Variants in DCAF7 observed in about 807,000 individuals in gnomAD.
DCAF7 encodes DDB1- and CUL4-associated factor 7.
A neutral mutation model predicts 41.2 loss-of-function variants in DCAF7; 4 were observed. The ratio of observed to expected loss-of-function variants is 0.10; its 90% CI spans 0.05 to 0.22. The LOEUF (loss-of-function observed/expected upper bound fraction) is 0.22, where lower values mean the gene tolerates loss of function less well. Among genes scored for constraint, DCAF7 ranks in the 10% least tolerant of loss-of-function variants. The pLI is 1.00. For missense variants in DCAF7, 131 were observed against 443.2 expected (o/e 0.30, Z 6.32); for synonymous variants, 143 against 164.2 (o/e 0.87, Z 0.99).
In DCAF7 at chr17:63,592,372, T is replaced by G. The variant is rs1340016367; in HGVS notation, c.*3200T>G. The G allele has an allele frequency of 6.7e-6, 1 of 149,734 alleles. No homozygotes were observed. The highest frequency in any genetic ancestry group is 1.5e-5 in the Non-Finnish European group (1 of 67,796). 9.3% of individuals were successfully genotyped at this position (149,734 alleles called of 1,614,324 possible). A position where few individuals can be genotyped will look rare whatever the true frequency, so the allele number is the denominator to read the frequency against. ...GTGAGCCAAGATCGTGCCACTGCAC[T>G]CCAGCCTGGGCGACAGAGCAAGACT... On this transcript the variant is annotated 3_prime_UTR_variant, in exon 7 of 7. Transcript: ENST00000614556.
chr17:63,552,044 CTCCAGCCTGGGCGACA>C (rs1366525401), intron 1 of DCAF7, among the ~76,000 whole-genome samples: 1 of 151,588 alleles, frequency 6.6e-6, no homozygotes. Flanking sequence ...CGCCACTGCA[CTCCAGCCTGGGCGACA>C]GAGTGAGACT....
intron 6 of DCAF7, among the ~76,000 whole-genome samples, chr17:63,586,769 AAAAAG>A (rs1213764656): frequency 6.6e-6 from 1 of 152,212 alleles, no homozygotes; most frequent in Non-Finnish European, 1.5e-5. Flanking sequence ...TCAAAAAAAA[AAAAAG>A]AAAAATATGC....
chr17:63,585,892 C>T (rs557400239), intron 6 of DCAF7, among the ~76,000 whole-genome samples: 3 of 151,828 alleles, frequency 2.0e-5, no homozygotes, highest in Admixed American at 6.6e-5. Flanking sequence ...GAGGCTGAGG[C>T]GGGTGGATCA....
intron 1 of DCAF7, among the ~76,000 whole-genome samples, chr17:63,562,655 A>G (rs928351796): frequency 6.7e-6 from 1 of 149,758 alleles, no homozygotes; most frequent in African/African-American, 2.4e-5. Context: ...GTCATCTAGC[A>G]TTAGGTATAT....
rs540283084 is a variant in DCAF7, at chr17:63,592,516, G to T, written c.*3344G>T. 1 of 152,198 alleles carries T rather than the reference G, an allele frequency of 6.6e-6. No individual in the cohort carries two copies. Among genetic ancestry groups the T allele is most frequent in the African/African-American group, 2.4e-5 (1 of 41,446 alleles). The allele number at this position is 152,198 out of a possible 1,614,324, so 9.4% of individuals were successfully genotyped here. On this transcript the variant is annotated 3_prime_UTR_variant, in exon 7 of 7. Transcript: ENST00000614556. ...AACAAAAAATTCAGAATCCTACAAG[G>T]TTTTGATGACAATTAGGGCCAAAAT...
rs114319699 is a variant in DCAF7, at chr17:63,574,989, A to G, written c.139-3481A>G. On this transcript the variant is annotated intron_variant, in intron 1 of 6. Coordinates refer to ENST00000614556, the MANE Select transcript of DCAF7 (RefSeq NM_005828.5). Reference sequence around the variant, plus strand: ...CCTATCTTAAAAAAAATAAAACACAATTTCATTTATAATAGCATAAAACTT... The same window carrying G: ...CCTATCTTAAAAAAAATAAAACACAGTTTCATTTATAATAGCATAAAACTT... Among the ~76,000 whole-genome samples, 1,264 of 152,062 alleles carry G rather than the reference A, an allele frequency of 8.3e-3. 18 individuals carry two copies. The highest frequency in any genetic ancestry group is 0.031 in the Middle Eastern group (9 of 294).
Position 63,589,320 on chromosome 17 carries a change from C to T in DCAF7, c.*148C>T. On this transcript the variant is annotated 3_prime_UTR_variant, in exon 7 of 7. Transcript: ENST00000614556. ...TTACCAGAAGCTGCTCTAGGAGTTC[C>T]TGGCCAGTCACCCCATCGCCCTCTG... 1 of 1,093,066 alleles carries T rather than the reference C, an allele frequency of 9.1e-7. No individual in the cohort carries two copies. The highest frequency in any genetic ancestry group is 1.3e-6 in the Non-Finnish European group (1 of 741,358). The allele number at this position is 1,093,066 out of a possible 1,614,324, so 67.7% of individuals were successfully genotyped here.
chr17:63,582,147 C>T (rs1461252040), intron 4 of DCAF7, among the ~76,000 whole-genome samples: 1 of 152,200 alleles, frequency 6.6e-6, no homozygotes, highest in African/African-American at 2.4e-5. Flanking sequence ...GCACGTCAGG[C>T]CTGAGTGCCT....
intron 1 of DCAF7, among the ~76,000 whole-genome samples, chr17:63,563,386 G>C (rs1375486568): frequency 6.6e-6 from 1 of 152,172 alleles, no homozygotes; most frequent in African/African-American, 2.4e-5. Flanking sequence ...ACATACTGCT[G>C]CTAAGAATGT....
At position 63,589,248 on chromosome 17, in the gene DCAF7, A is replaced by G. The variant is rs1264351243; in HGVS notation, c.*76A>G. The G allele has an allele frequency of 6.3e-7, 1 of 1,582,564 alleles. No individual in the cohort carries two copies. Among genetic ancestry groups the G allele is most frequent in the Admixed American group, 1.7e-5 (1 of 59,640 alleles). ...TGCCCCACCCCCAAAGTAAGAAGAA[A>G]CATGTTTCCAGTGGCCAGTATGTCT... On this transcript the variant is annotated 3_prime_UTR_variant, in exon 7 of 7. Transcript: ENST00000614556.
chr17:63,584,895 C>T (rs963575866), intron 5 of DCAF7, among the ~76,000 whole-genome samples: 6 of 152,204 alleles, frequency 3.9e-5, no homozygotes, highest in Non-Finnish European at 1.5e-5. Flanking sequence ...TGGCTGGGCT[C>T]TCATTCCATT....
chr17:63,583,938 C>T (rs572958770), intron 5 of DCAF7, among the ~76,000 whole-genome samples: 52 of 152,228 alleles, frequency 3.4e-4, no homozygotes, highest in African/African-American at 1.2e-3. Context: ...AGGACAGTCC[C>T]CCAGCAAAGT....
chr17:63,587,343 AG>A (rs1299328549), intron 6 of DCAF7, among the ~76,000 whole-genome samples: 1 of 143,346 alleles, frequency 7.0e-6, no homozygotes, highest in African/African-American at 2.7e-5. Flanking sequence ...TTTTTTTCCC[AG>A]GGGTGTGGAT....
chr17:63,554,278 T>C (rs1233292370), intron 1 of DCAF7, among the ~76,000 whole-genome samples: 1 of 152,242 alleles, frequency 6.6e-6, no homozygotes, highest in Non-Finnish European at 1.5e-5. Context: ...TACAGCAAGA[T>C]TGGTGTTGGA....
At position 63,589,292 on chromosome 17, in the gene DCAF7, C is replaced by G. The variant is rs1375670614; in HGVS notation, c.*120C>G. 1 of 1,355,808 alleles carries G rather than the reference C, an allele frequency of 7.4e-7. No homozygotes were observed. The highest frequency in any genetic ancestry group is 1.4e-5 in the African/African-American group (1 of 69,996). 84.0% of individuals were successfully genotyped at this position (1,355,808 alleles called of 1,614,324 possible). A position where few individuals can be genotyped will look rare whatever the true frequency, so the allele number is the denominator to read the frequency against. On this transcript the variant is annotated 3_prime_UTR_variant, in exon 7 of 7. Transcript: ENST00000614556. ...TATGTCTTTCATTGCTTTGCACCCACTGTTACCAGAAGCTGCTCTAGGAGT... is the reference window on the plus strand; with the variant it reads ...TATGTCTTTCATTGCTTTGCACCCAGTGTTACCAGAAGCTGCTCTAGGAGT...
intron 5 of DCAF7, among the ~76,000 whole-genome samples, chr17:63,584,613 T>C (rs773250148): frequency 2.6e-5 from 4 of 151,522 alleles, no homozygotes; most frequent in Non-Finnish European, 5.9e-5. Context: ...ATACAAAAAA[T>C]TAGCCGGGCG....
chr17:63,572,375 A>G (rs937461148), intron 1 of DCAF7, among the ~76,000 whole-genome samples: 4 of 152,138 alleles, frequency 2.6e-5, no homozygotes, highest in African/African-American at 9.7e-5. Flanking sequence ...AGTGGAAAGG[A>G]TGTATGAGGA....
chr17:63,583,635 A>G lies in DCAF7; in HGVS notation c.662A>G (p.His221Arg). ...ACCATCATTTACGAAGACCCACAGCATCACCCACTGCTTCGCCTCTGCTGG... is the reference window on the plus strand; with the variant it reads ...ACCATCATTTACGAAGACCCACAGCGTCACCCACTGCTTCGCCTCTGCTGG... ...HSTIIYEDPQ[H>R]HPLLRLCWNK... The change falls in exon 5 of 7, where the codon CAT becomes CGT. Residue 221 changes from histidine to arginine, a missense_variant. Coordinates refer to ENST00000614556, the MANE Select transcript of DCAF7 (RefSeq NM_005828.5). 11 of 1,613,076 alleles carry G rather than the reference A, an allele frequency of 6.8e-6. No homozygotes were observed. Among genetic ancestry groups the G allele is most frequent in the Non-Finnish European group, 9.3e-6 (11 of 1,179,174 alleles).
intron 1 of DCAF7, among the ~76,000 whole-genome samples, chr17:63,556,048 A>G (rs2033307605): frequency 6.6e-6 from 1 of 152,224 alleles, no homozygotes; most frequent in Admixed American, 6.5e-5. Flanking sequence ...GTCCTTGGTA[A>G]TCAGTCAGGA....
Sources: gnomAD v4.1 joint callset for allele counts (sites outside exome capture counted in the v4.1 genomes callset) on GRCh38, gnomAD v4.1.1 for gene constraint, MANE v1.5 for transcripts, NCBI Gene and HGNC (gene_info 2026-07-23, HGNC 2026-07-21) for gene names.